Variants in RXFP1 observed in about 807,000 individuals in gnomAD.
The protein encoded by RXFP1 is relaxin receptor 1.
A neutral mutation model predicts 89.8 loss-of-function variants in RXFP1; 73 were observed. The observed-to-expected ratio is 0.81, with a 90% CI of 0.67 to 0.99. RXFP1 has a LOEUF of 0.99. Among genes scored for constraint, RXFP1 ranks in the 50% least tolerant of loss-of-function variants. The pLI, the probability that RXFP1 is intolerant of heterozygous loss-of-function variation, is 0.00. For synonymous variants in RXFP1, 277 were observed against 305.5 expected (o/e 0.91, Z 0.97); for missense variants, 793 against 895.5 (o/e 0.89, Z 1.46).
chr4:158,557,931 C>T (rs907468460), intron 1 of RXFP1, among the ~76,000 whole-genome samples: 1 of 152,126 alleles, frequency 6.6e-6, no homozygotes, highest in African/African-American at 2.4e-5. Context: ...TAATGTCCTG[C>T]TCCCAGTGCC....
chr4:158,638,896 T>C (rs1478552379), intron 13 of RXFP1, among the ~76,000 whole-genome samples: 1 of 152,070 alleles, frequency 6.6e-6, no homozygotes, highest in Non-Finnish European at 1.5e-5. Flanking sequence ...AAAAAATTTA[T>C]TAATTAAAAA....
At chr4:158,586,327 T>A (rs1036981002) in intron 2 of RXFP1, among the ~76,000 whole-genome samples, 1 of 152,260 alleles carries the variant, frequency 6.6e-6, no homozygotes, top group Non-Finnish European at 1.5e-5. Flanking sequence ...AGACTTTATT[T>A]ATAGCATGAC....
chr4:158,646,632 T>C (rs767686196), intron 15 of RXFP1, 159 bp from the exon 16 acceptor site: 73 of 1,423,884 alleles, frequency 5.1e-5, no homozygotes, highest in Non-Finnish European at 6.6e-5. Flanking sequence ...TATGAATAGA[T>C]CCTCATCTGT....
At position 158,593,411 on chromosome 4, in the gene RXFP1, TG is replaced by T; in HGVS notation, c.200del (p.Gly67AspfsTer16). 6.2e-7 allele frequency: 1 copy of T among 1,607,302 alleles called. No homozygotes were observed. The highest frequency in any genetic ancestry group is 8.5e-7 in the Non-Finnish European group (1 of 1,175,150). ...ADEDNCGDNN[G>X]WSLQFDKYFA... Reference sequence around the variant, plus strand: ...TGATTTTTATTTTAGGAGACAACAATGGATGGTCTCTGCAATTTGACAAATA... The same window carrying T: ...TGATTTTTATTTTAGGAGACAACAATGATGGTCTCTGCAATTTGACAAATA... On this transcript the variant is annotated frameshift_variant, in exon 3 of 18. Coordinates refer to ENST00000307765, the MANE Select transcript of RXFP1 (RefSeq NM_021634.4). LOFTEE classifies it high-confidence loss of function.
chr4:158,626,108 CTATA>C (rs879931808), intron 9 of RXFP1, among the ~76,000 whole-genome samples: 3,563 of 110,510 alleles, frequency 0.032, 218 homozygotes, highest in African/African-American at 0.12. Context: ...ATTTAGATAT[CTATA>C]TAGATAGATA....
In RXFP1 at chr4:158,599,208, A is replaced by G. The variant is rs1474329719; in HGVS notation, c.287-118A>G. On this transcript the variant is annotated intron_variant, in intron 3 of 17. Coordinates refer to ENST00000307765, the MANE Select transcript of RXFP1 (RefSeq NM_021634.4). Reference sequence around the variant, plus strand: ...GCATTGCCTAAATTGCCTACGTAGCACATGATATGCTTTTGTACTAAATGA... The same window carrying G: ...GCATTGCCTAAATTGCCTACGTAGCGCATGATATGCTTTTGTACTAAATGA... The G allele has an allele frequency of 3.3e-6, 5 of 1,511,350 alleles. No homozygotes were observed. In the African/African-American group the frequency reaches 6.9e-5, roughly 21 times the overall value. The allele number at this position is 1,511,350 out of a possible 1,614,324, so 93.6% of individuals were successfully genotyped here.
chr4:158,650,739 A>G (rs1772540866), intron 17 of RXFP1, among the ~76,000 whole-genome samples: 1 of 152,120 alleles, frequency 6.6e-6, no homozygotes, highest in Non-Finnish European at 1.5e-5. Flanking sequence ...ATTGCACTAC[A>G]ACCTGGGTGA....
rs376093072 is a variant in RXFP1 at position 158,646,867 on chromosome 4, G to A, written c.1422G>A (p.Lys474=). The A allele has an allele frequency of 1.2e-6, 2 of 1,614,144 alleles. No homozygotes were observed. Among genetic ancestry groups the A allele is most frequent in the Non-Finnish European group, 8.5e-7 (1 of 1,179,998 alleles). Residue 474 remains lysine, a synonymous_variant, in exon 16 of 18, where the codon AAG becomes AAA. Coordinates refer to ENST00000307765, the MANE Select transcript of RXFP1 (RefSeq NM_021634.4). The stretch of plus-strand genomic sequence containing the variant: ...TAAAGTTTCGTGGAGAATACAATAA[G>A]CATGCGCAGCTGTGGATGGAGAGTA... ...FDLKFRGEYN[K]HAQLWMESTH... is the part of the protein sequence containing the mutation.
chr4:158,640,073 T>A (rs1454117015), intron 14 of RXFP1, among the ~76,000 whole-genome samples: 1 of 152,168 alleles, frequency 6.6e-6, no homozygotes, highest in African/African-American at 2.4e-5. Flanking sequence ...GTATTTTTGT[T>A]ACAGCAGCCA....
chr4:158,542,079 C>CTATA (rs1553993932), intron 1 of RXFP1, among the ~76,000 whole-genome samples: 2 of 29,854 alleles, frequency 6.7e-5, no homozygotes, highest in African/African-American at 1.9e-4. Flanking sequence ...GCCACCATGG[C>CTATA]TATATATATA....
chr4:158,535,788 C>T (rs1426089315), intron 1 of RXFP1, among the ~76,000 whole-genome samples: 3 of 152,208 alleles, frequency 2.0e-5, no homozygotes, highest in African/African-American at 7.2e-5. Flanking sequence ...TTTGATATTG[C>T]ACTCCATAAA....
chr4:158,606,969 A>G (rs1204354908), intron 5 of RXFP1: 3 of 1,033,688 alleles, frequency 2.9e-6, no homozygotes, highest in Admixed American at 4.1e-5. Flanking sequence ...AAAATTTATA[A>G]TTTAACTGAA....
At position 158,626,883 on chromosome 4, in the gene RXFP1, A is replaced by T. The variant is rs1233870963; in HGVS notation, c.819A>T (p.Leu273Phe). Residue 273 changes from leucine (L) to phenylalanine (F), a missense_variant, in exon 10 of 18, where the codon TTA becomes TTT. Physicochemically the swap from Leu to Phe is conservative, Grantham distance 22. Transcript: ENST00000307765. The part of the protein sequence containing the change: ...RNLTFISCSN[L>F]TVLVMRKNKI... ...TGACTTTTATTTCCTGCAGTAATTT[A>T]ACTGTTTTGTAAGTAATATGCTATG... The T allele has an allele frequency of 6.7e-7, 1 of 1,497,476 alleles. No individual in the cohort carries two copies. Among genetic ancestry groups the T allele is most frequent in the Non-Finnish European group, 9.2e-7 (1 of 1,092,358 alleles). 92.8% of individuals were successfully genotyped at this position (1,497,476 alleles called of 1,614,324 possible).
chr4:158,649,417 G>C (rs1466741322), intron 17 of RXFP1, among the ~76,000 whole-genome samples: 1 of 152,066 alleles, frequency 6.6e-6, no homozygotes, highest in East Asian at 1.9e-4. Context: ...TCATGCCAGA[G>C]TGTGAGAGAT....
intron 1 of RXFP1, among the ~76,000 whole-genome samples, chr4:158,528,314 G>T (rs1045664743): frequency 6.6e-6 from 1 of 150,664 alleles, no homozygotes; most frequent in Non-Finnish European, 1.5e-5. Flanking sequence ...AGCCTGGGGG[G>T]GCAACATGGC....
At chr4:158,572,856 C>T in intron 2 of RXFP1, 21 bp downstream of exon 2, 3 of 1,612,938 alleles carry the variant, frequency 1.9e-6, no homozygotes, top group Non-Finnish European at 1.7e-6. Context: ...CCCCTGCAGT[C>T]ACGGTGAGAG....
intron 1 of RXFP1, among the ~76,000 whole-genome samples, chr4:158,524,005 C>T (rs944875103): frequency 3.9e-5 from 6 of 152,122 alleles, no homozygotes; most frequent in Non-Finnish European, 5.9e-5. Context: ...TACCATGTAC[C>T]GGTTCTGTGG....
At chr4:158,633,301 C>A in intron 11 of RXFP1, 104 bp from the exon 12 acceptor site, 1 of 700,644 alleles carries the variant, frequency 1.4e-6, no homozygotes, top group Non-Finnish European at 2.5e-6. Context: ...TATAACTCAC[C>A]AATGGCATTG....
intron 5 of RXFP1, among the ~76,000 whole-genome samples, chr4:158,606,580 G>A (rs79967833): frequency 0.012 from 1,755 of 152,016 alleles, 18 homozygotes; most frequent in Middle Eastern, 0.031. Flanking sequence ...TCCGGTTCAG[G>A]TGCATAATAA....
Sources: gnomAD v4.1 joint callset for allele counts (sites outside exome capture counted in the v4.1 genomes callset) on GRCh38, gnomAD v4.1.1 for gene constraint, MANE v1.5 for transcripts, NCBI Gene and HGNC (gene_info 2026-07-23, HGNC 2026-07-21) for gene names.